Variants in TMEM181 observed in about 807,000 individuals in gnomAD.
TMEM181 encodes transmembrane protein 181.
A neutral mutation model predicts 71.9 loss-of-function variants in TMEM181; 39 were observed. That is an observed-to-expected ratio of 0.54 (90% CI 0.42 to 0.71). TMEM181 has a LOEUF of 0.71. Among genes scored for constraint, TMEM181 ranks in the 30% least tolerant of loss-of-function variants. The pLI is 0.00. For synonymous variants in TMEM181, 245 were observed against 228.8 expected, an observed-to-expected ratio of 1.07 and a Z score of -0.64; for missense variants, 595 against 583.0, an observed-to-expected ratio of 1.02 and a Z score of -0.21.
chr6:158,553,547 T>A (rs183219755), intron 1 of TMEM181, among the ~76,000 whole-genome samples: 1 of 152,272 alleles, frequency 6.6e-6, no homozygotes, highest in African/African-American at 2.4e-5. Flanking sequence ...TATCAAAGAG[T>A]TGTACAAAAA....
intron 1 of TMEM181, among the ~76,000 whole-genome samples, chr6:158,571,226 A>T (rs1782792525): frequency 2.6e-5 from 4 of 152,066 alleles, no homozygotes; most frequent in Non-Finnish European, 2.9e-5. Flanking sequence ...CCTCCCAAGT[A>T]GCTGGGACTG....
Position 158,628,519 on chromosome 6 carries a change from G to A in TMEM181, c.1192+29G>A, listed in dbSNP as rs369044303. 8.1e-6 allele frequency: 13 copies of A among 1,599,278 alleles called. 1 individual carries two copies. In the African/African-American group the frequency reaches 1.6e-4, roughly 20 times the overall value. ...TCCTTTTCACTGGAGGGCCCTGGCT[G>A]CAGGACGCCTGCTTAGCATTGCAGC... On this transcript the variant is annotated intron_variant, in intron 14 of 16. Transcript: ENST00000684151.
At chr6:158,608,865 A>C in intron 10 of TMEM181, 115 bp downstream of exon 10, 1 of 945,112 alleles carries the variant, frequency 1.1e-6, no homozygotes. Flanking sequence ...TGACAGGCTG[A>C]GGCAGGCAAG....
chr6:158,611,937 T>C (rs1277920188), intron 10 of TMEM181, among the ~76,000 whole-genome samples: 3 of 151,722 alleles, frequency 2.0e-5, no homozygotes. Flanking sequence ...GGGGAGGTTT[T>C]GTGTCTGTTC....
intron 7 of TMEM181, 129 bp downstream of exon 7, chr6:158,605,476 T>A: frequency 2.4e-6 from 2 of 835,324 alleles, no homozygotes; most frequent in Non-Finnish European, 4.0e-6. Flanking sequence ...CAGTGGGCTG[T>A]GCTGATATTA....
At chr6:158,592,791 A>T (rs576457872) in intron 6 of TMEM181, among the ~76,000 whole-genome samples, 1 of 152,122 alleles carries the variant, frequency 6.6e-6, no homozygotes, top group Non-Finnish European at 1.5e-5. Flanking sequence ...GGTGGTGCAC[A>T]CCTGTAGTCC....
chr6:158,609,258 G>C (rs1000285244), intron 10 of TMEM181, among the ~76,000 whole-genome samples: 2 of 152,102 alleles, frequency 1.3e-5, no homozygotes, highest in African/African-American at 4.8e-5. Flanking sequence ...CTGCGGTCTT[G>C]GATAGTACTG....
rs757695996 is a variant in TMEM181 at position 158,536,841 on chromosome 6, C to T, written c.107C>T (p.Pro36Leu). Residue 36 changes from proline (P) to leucine (L), a missense_variant, in exon 1 of 17, where the codon CCC (proline) becomes CTC (leucine). Transcript: ENST00000367090. ...CGCGAGCTCAAGGAGGACCTCACGC[C>T]CTTCAAGGATGACCGCTACTACAGG... 4.0e-6 allele frequency: 6 copies of T among 1,501,502 alleles called. No homozygotes were observed. The Admixed American group carries it at 5.8e-5, about 15-fold the overall frequency. The allele number at this position is 1,501,502 out of a possible 1,614,324, so 93.0% of individuals were successfully genotyped here. A position where few individuals can be genotyped will look rare whatever the true frequency, so the allele number is the denominator to read the frequency against.
At chr6:158,546,755 C>T (rs556586933) in intron 1 of TMEM181, among the ~76,000 whole-genome samples, 3 of 151,898 alleles carry the variant, frequency 2.0e-5, no homozygotes, top group South Asian at 2.1e-4. Flanking sequence ...GTCAGGAGTT[C>T]GAGACCAGCC....
chr6:158,608,644 T>C lies in TMEM181; in HGVS notation c.805-15T>C, dbSNP rs1785107317. 2 of 1,597,946 alleles carry C rather than the reference T, an allele frequency of 1.3e-6. No homozygotes were observed. The highest frequency in any genetic ancestry group is 1.1e-5 in the South Asian group (1 of 87,554). On this transcript the variant is annotated splice_polypyrimidine_tract_variant and intron_variant, in intron 9 of 16. Coordinates refer to ENST00000684151, the MANE Select transcript of TMEM181 (RefSeq NM_001376852.1). The stretch of plus-strand genomic sequence containing the variant: ...GGTTTTCTTTATTTCTTACTTCTTA[T>C]TTTTTTCTTTTTAGGGAGAAAGAAA...
chr6:158,568,288 G>C (rs1168847377), intron 1 of TMEM181, among the ~76,000 whole-genome samples: 2 of 151,352 alleles, frequency 1.3e-5, no homozygotes, highest in Admixed American at 1.3e-4. Flanking sequence ...TGACCTTGAA[G>C]TACTGTAGGG....
At chr6:158,537,411 G>T (rs1270191250) in intron 1 of TMEM181, among the ~76,000 whole-genome samples, 1 of 152,224 alleles carries the variant, frequency 6.6e-6, no homozygotes. Context: ...GCGGCGGGGC[G>T]CCATGCGGGG....
chr6:158,570,138 T>C (rs1390794117), intron 1 of TMEM181, among the ~76,000 whole-genome samples: 3 of 151,668 alleles, frequency 2.0e-5, no homozygotes, highest in Admixed American at 1.3e-4. Flanking sequence ...TCCGAGAACG[T>C]TGTAGTGGAG....
intron 6 of TMEM181, among the ~76,000 whole-genome samples, chr6:158,597,198 C>T (rs993820445): frequency 2.3e-4 from 35 of 152,314 alleles, no homozygotes; most frequent in African/African-American, 7.9e-4. Flanking sequence ...TTCTCAACCC[C>T]ATTTTCCATG....
At chr6:158,597,146 C>T (rs148098843) in intron 6 of TMEM181, among the ~76,000 whole-genome samples, 5 of 152,202 alleles carry the variant, frequency 3.3e-5, no homozygotes, top group African/African-American at 1.2e-4. Context: ...TTGTTGATGC[C>T]GTCTCCCTTT....
chr6:158,574,301 C>G (rs559004262), intron 2 of TMEM181, among the ~76,000 whole-genome samples: 1 of 152,102 alleles, frequency 6.6e-6, no homozygotes, highest in Non-Finnish European at 1.5e-5. Context: ...GGTAAATGGA[C>G]GAGGAAGCTG....
chr6:158,566,909 G>C (rs1782541681), intron 1 of TMEM181, among the ~76,000 whole-genome samples: 1 of 152,188 alleles, frequency 6.6e-6, no homozygotes, highest in Non-Finnish European at 1.5e-5. Flanking sequence ...GGCTCACGGT[G>C]ATTTGCATTA....
In TMEM181 at chr6:158,620,644, G is replaced by C. The variant is rs1413368352; in HGVS notation, c.897-2906G>C. 1.3e-5 allele frequency among the ~76,000 whole-genome samples: 2 copies of C among 151,958 alleles called. No homozygotes were observed. Among genetic ancestry groups the C allele is most frequent in the African/African-American group, 4.8e-5 (2 of 41,354 alleles). On this transcript the variant is annotated intron_variant, in intron 10 of 16. Coordinates refer to ENST00000684151, the MANE Select transcript of TMEM181 (RefSeq NM_001376852.1). The surrounding 1 kb of genome is among the most constrained non-coding windows in gnomAD (Gnocchi z 4.5). ...GAGTAGCCCCCGCCCGAGCCTCGCA[G>C]TCCCCTTCAGATTAGTTGTCCTCGC...
chr6:158,611,438 C>T (rs1456259266), intron 10 of TMEM181: 24 of 539,058 alleles, frequency 4.5e-5, no homozygotes, highest in Non-Finnish European at 6.0e-5. Context: ...GAAGTCTATC[C>T]GTCTTCCTTT....
Sources: gnomAD v4.1 joint callset for allele counts (sites outside exome capture counted in the v4.1 genomes callset) on GRCh38, gnomAD v4.1.1 for gene constraint, Gnocchi (gnomAD v3.1) non-coding constraint, MANE v1.5 for transcripts, NCBI Gene and HGNC (gene_info 2026-07-23, HGNC 2026-07-21) for gene names.